ATP8B4: variants seen among roughly 807,000 people sequenced by gnomAD.
ATP8B4 encodes the protein probable phospholipid-transporting ATPase IM.
A neutral mutation model predicts 145.6 loss-of-function variants in ATP8B4; 133 were observed. That is an observed-to-expected ratio of 0.91 (90% confidence interval 0.79 to 1.05). ATP8B4 has a LOEUF of 1.05. Ranked by LOEUF, ATP8B4 falls within the 50% of genes least tolerant of loss-of-function variation. The pLI, the probability that ATP8B4 is intolerant of heterozygous loss-of-function variation, is 0.00. For synonymous variants in ATP8B4, 507 were observed against 492.9 expected (o/e 1.03, Z -0.38); for missense variants, 1,458 against 1,425.2 (o/e 1.02, Z -0.37).
chr15:49,883,291 G>A (rs1488867999), intron 23 of ATP8B4: 2 of 152,058 alleles, frequency 1.3e-5, no homozygotes, highest in Non-Finnish European at 2.9e-5. Flanking sequence ...CTGGCATAGC[G>A]TGCCCTCATC....
chr15:49,886,863 G>A (rs1275854310), intron 23 of ATP8B4, among the ~76,000 whole-genome samples: 1 of 151,530 alleles, frequency 6.6e-6, no homozygotes, highest in Admixed American at 6.6e-5. Flanking sequence ...AGACTGGAGT[G>A]CAGTGGCACA....
intron 20 of ATP8B4, among the ~76,000 whole-genome samples, chr15:49,904,346 T>C (rs16963036): frequency 0.065 from 9,920 of 152,162 alleles, 1,111 homozygotes; most frequent in African/African-American, 0.23. Context: ...GTTCAACCAC[T>C]GAACCAGTTT....
At chr15:49,946,602 C>A (rs906595911) in intron 14 of ATP8B4, among the ~76,000 whole-genome samples, 1 of 146,598 alleles carries the variant, frequency 6.8e-6, no homozygotes, top group Admixed American at 6.8e-5. Flanking sequence ...CTAATTAATC[C>A]TTTTTTTTTT....
intron 2 of ATP8B4, among the ~76,000 whole-genome samples, chr15:50,100,125 A>T (rs1448337559): frequency 1.3e-5 from 2 of 151,852 alleles, no homozygotes; most frequent in East Asian, 3.9e-4. Context: ...TTATTTCCCC[A>T]CAAGACCCAT....
intron 1 of ATP8B4, among the ~76,000 whole-genome samples, chr15:50,153,424 C>T (rs1447905833): frequency 4.6e-5 from 7 of 152,018 alleles, no homozygotes; most frequent in Admixed American, 2.6e-4. Context: ...CTGCAACCTC[C>T]GCCCCCCAGG....
chr15:49,931,144 G>A lies in ATP8B4; in HGVS notation c.1617C>T (p.Asn539=), dbSNP rs373044903. Residue 539 remains asparagine, a synonymous_variant, in exon 16 of 28, where the codon AAC becomes AAT. Coordinates refer to ENST00000284509, the MANE Select transcript of ATP8B4 (RefSeq NM_024837.4). Reference sequence around the variant, plus strand: ...CTATGACAGACATCCTTTTTCTGGTGTTGTTGAAATCCAAAAAGGCAAGTA... The same window carrying A: ...CTATGACAGACATCCTTTTTCTGGTATTGTTGAAATCCAAAAAGGCAAGTA... ...YQLLAFLDFN[N]TRKRMSVIVR... 69 of 1,611,236 alleles carry A rather than the reference G, an allele frequency of 4.3e-5. No homozygotes were observed. The highest frequency in any genetic ancestry group is 5.6e-5 in the Non-Finnish European group (66 of 1,178,406).
At chr15:50,122,530 T>C (rs1480129806), upstream of ATP8B4, among the ~76,000 whole-genome samples, 5 of 82,318 alleles carry the variant, frequency 6.1e-5, no homozygotes, top group African/African-American at 2.2e-4. Flanking sequence ...TTGTTGTGTT[T>C]GTCTGTTTGT....
At chr15:50,032,869 AT>A (rs1422251636) in intron 6 of ATP8B4, among the ~76,000 whole-genome samples, 1 of 152,230 alleles carries the variant, frequency 6.6e-6, no homozygotes, top group East Asian at 1.9e-4. Context: ...TAGTGGAAGA[AT>A]GAATGTTATT....
At chr15:49,987,600 T>A (rs1458677812) in intron 9 of ATP8B4, 51 bp from the exon 10 acceptor site, 2 of 1,560,966 alleles carry the variant, frequency 1.3e-6, no homozygotes, top group African/African-American at 1.4e-5. Context: ...CCCAAAATTC[T>A]CTTCAGAAGC....
chr15:50,057,971 A>T (rs2052726665), intron 3 of ATP8B4, among the ~76,000 whole-genome samples: 1 of 152,154 alleles, frequency 6.6e-6, no homozygotes. Flanking sequence ...TTTTTGTGAC[A>T]TCTAAAAAGG....
intron 2 of ATP8B4, among the ~76,000 whole-genome samples, chr15:50,097,469 G>T (rs1178132036): frequency 6.6e-6 from 1 of 152,170 alleles, no homozygotes; most frequent in Admixed American, 6.6e-5. Flanking sequence ...CTGTTAGTTT[G>T]TTAAACAGAT....
chr15:49,918,612 G>A lies in ATP8B4; in HGVS notation c.2035+227C>T, dbSNP rs150918233. Among the ~76,000 whole-genome samples, 18 of 152,290 alleles carry A rather than the reference G, an allele frequency of 1.2e-4. No individual in the cohort carries two copies. In the East Asian group the frequency reaches 2.5e-3, roughly 21 times the overall value. ...ATTATATTCAAGAGGCAATTGGACC[G>A]AAACTTAACTGACTCCAGCTTATAC... On this transcript the variant is annotated intron_variant, in intron 19 of 27. Coordinates refer to ENST00000284509, the MANE Select transcript of ATP8B4 (RefSeq NM_024837.4).
intron 1 of ATP8B4, among the ~76,000 whole-genome samples, chr15:50,172,190 C>T (rs139257359): frequency 4.5e-4 from 69 of 152,370 alleles, no homozygotes; most frequent in African/African-American, 1.5e-3. Context: ...CCTCTGATGC[C>T]GAGCGGAGGC....
At chr15:49,909,917 G>A (rs571165956) in intron 20 of ATP8B4, among the ~76,000 whole-genome samples, 3 of 151,980 alleles carry the variant, frequency 2.0e-5, no homozygotes, top group Non-Finnish European at 2.9e-5. Flanking sequence ...AGATAGCAAC[G>A]TAAGGACACA....
intron 3 of ATP8B4, among the ~76,000 whole-genome samples, chr15:50,065,945 T>C (rs2053350475): frequency 1.3e-5 from 2 of 151,412 alleles, no homozygotes; most frequent in Non-Finnish European, 2.9e-5. Flanking sequence ...TTACCTAGAT[T>C]CTTTAATTAC....
At chr15:50,038,676 T>C (rs2051026149) in intron 6 of ATP8B4, 92 bp downstream of exon 6, 1 of 908,518 alleles carries the variant, frequency 1.1e-6, no homozygotes, top group African/African-American at 1.7e-5. Flanking sequence ...AAAAGAATCA[T>C]GTATCTAATT....
chr15:49,908,124 G>T lies in ATP8B4; in HGVS notation c.2142-6885C>A, dbSNP rs190785689. On this transcript the variant is annotated intron_variant, in intron 20 of 27. Coordinates refer to ENST00000284509, the MANE Select transcript of ATP8B4 (RefSeq NM_024837.4). ...CGATTGAGTTTCTTAAGAACAAAATGAGGTAATACATGTGTACTGCCTACA... is the reference window on the plus strand; with the variant it reads ...CGATTGAGTTTCTTAAGAACAAAATTAGGTAATACATGTGTACTGCCTACA... The T allele has an allele frequency of 2.1e-4, 98 of 456,052 alleles. 1 individual carries two copies. In the East Asian group the frequency reaches 6.4e-3, roughly 30 times the overall value. 28.3% of individuals were successfully genotyped at this position (456,052 alleles called of 1,614,324 possible).
At chr15:50,072,921 C>CCTCTCT (rs1207432427) in intron 3 of ATP8B4, among the ~76,000 whole-genome samples, 9 of 27,288 alleles carry the variant, frequency 3.3e-4, no homozygotes, top group Middle Eastern at 0.022. Context: ...CTGTGCCCGG[C>CCTCTCT]CTCTCTCTCT....
intron 2 of ATP8B4, among the ~76,000 whole-genome samples, chr15:50,093,844 T>C (rs900781344): frequency 6.6e-6 from 1 of 152,160 alleles, no homozygotes; most frequent in Non-Finnish European, 1.5e-5. Flanking sequence ...ATTATCATAC[T>C]CATATCAGAT....
Sources: gnomAD v4.1 joint callset for allele counts (sites outside exome capture counted in the v4.1 genomes callset) on GRCh38, gnomAD v4.1.1 for gene constraint, MANE v1.5 for transcripts, NCBI Gene and HGNC (gene_info 2026-07-23, HGNC 2026-07-21) for gene names.